Variants in CHST12 observed in about 807,000 individuals in gnomAD.
The protein encoded by CHST12 is carbohydrate sulfotransferase 12, also known as carbohydrate (chondroitin 4) sulfotransferase 12.
Under a neutral mutation model 27.9 loss-of-function variants are expected in CHST12, and 23 were observed. That is an observed-to-expected ratio of 0.82 (90% CI 0.59 to 1.17). The LOEUF (loss-of-function observed/expected upper bound fraction) is 1.17. CHST12 is among the 50% of genes most tolerant of loss of function. The pLI is 0.00. For missense variants in CHST12, 682 were observed against 603.0 expected, an observed-to-expected ratio of 1.13 and a Z score of -1.37; for synonymous variants, 322 against 273.0, an observed-to-expected ratio of 1.18 and a Z score of -1.77.
chr7:2,422,435 G>A (rs1458592597), intron 1 of CHST12, among the ~76,000 whole-genome samples: 1 of 151,746 alleles, frequency 6.6e-6, no homozygotes, highest in African/African-American at 2.4e-5. Context: ...GTAGAGACAG[G>A]GTTTCTCCGT....
intron 1 of CHST12, among the ~76,000 whole-genome samples, chr7:2,408,503 CAT>C (rs1397827115): frequency 6.6e-6 from 1 of 151,604 alleles, no homozygotes; most frequent in Non-Finnish European, 1.5e-5. Context: ...AAGGTTAGAA[CAT>C]GTGGAAAAAG....
At chr7:2,426,658 G>A (rs1322996802) in intron 1 of CHST12, among the ~76,000 whole-genome samples, 1 of 151,526 alleles carries the variant, frequency 6.6e-6, no homozygotes, top group African/African-American at 2.4e-5. Context: ...CACTCAGATT[G>A]TTGCTAATAT....
chr7:2,409,008 A>G (rs750258303), intron 1 of CHST12, among the ~76,000 whole-genome samples: 1 of 152,220 alleles, frequency 6.6e-6, no homozygotes, highest in Non-Finnish European at 1.5e-5. Flanking sequence ...GATTAGTGAT[A>G]AGTACTAAAC....
intron 1 of CHST12, among the ~76,000 whole-genome samples, chr7:2,428,872 G>C (rs765141661): frequency 6.6e-6 from 1 of 152,186 alleles, no homozygotes; most frequent in Non-Finnish European, 1.5e-5. Flanking sequence ...AGTTAGACCA[G>C]AAATTCTCAG....
intron 1 of CHST12, among the ~76,000 whole-genome samples, chr7:2,421,023 T>G (rs776398159): frequency 1.3e-5 from 2 of 151,774 alleles, no homozygotes; most frequent in African/African-American, 2.4e-5. Context: ...TCACTGCACC[T>G]GGCCCCTCAT....
intron 1 of CHST12, among the ~76,000 whole-genome samples, chr7:2,418,669 G>A (rs1015008551): frequency 1.7e-4 from 26 of 152,160 alleles, no homozygotes; most frequent in African/African-American, 5.6e-4. Flanking sequence ...CGGTTCTATC[G>A]GACCCTTCCC....
rs1374830169 is a variant in CHST12, at chr7:2,434,860, G to A, written c.*976G>A. ...CCTGGCACTTTGGGAGGCTGAGGGGGGAAGATCACTTGAGCCCAGGAGTTC... is the reference window on the plus strand; with the variant it reads ...CCTGGCACTTTGGGAGGCTGAGGGGAGAAGATCACTTGAGCCCAGGAGTTC... On this transcript the variant is annotated 3_prime_UTR_variant, in exon 2 of 2. Coordinates refer to ENST00000618655, the MANE Select transcript of CHST12 (RefSeq NM_018641.5). The A allele has an allele frequency of 6.6e-6, 1 of 152,150 alleles. No individual in the cohort carries two copies. The highest frequency in any genetic ancestry group is 2.4e-5 in the African/African-American group (1 of 41,364). The allele number at this position is 152,150 out of a possible 1,614,324, so 9.4% of individuals were successfully genotyped here. A position where few individuals can be genotyped will look rare whatever the true frequency, so the allele number is the denominator to read the frequency against.
At chr7:2,413,407 A>G (rs1463715388) in intron 1 of CHST12, among the ~76,000 whole-genome samples, 2 of 152,254 alleles carry the variant, frequency 1.3e-5, no homozygotes, top group South Asian at 2.1e-4. Context: ...TATGATTTAC[A>G]TGCAATAAAA....
intron 1 of CHST12, among the ~76,000 whole-genome samples, chr7:2,427,046 A>G (rs958819479): frequency 1.4e-5 from 2 of 146,572 alleles, no homozygotes; most frequent in African/African-American, 5.1e-5. Flanking sequence ...ACTCAGTTTA[A>G]GAAATTTGTA....
At chr7:2,419,079 T>A (rs1211709565) in intron 1 of CHST12, among the ~76,000 whole-genome samples, 1 of 151,916 alleles carries the variant, frequency 6.6e-6, no homozygotes, top group Non-Finnish European at 1.5e-5. Context: ...ATCACAGGCA[T>A]GAACCACCAT....
At position 2,444,096 on chromosome 7, in the gene CHST12, A is replaced by G. The variant is rs929671540; in HGVS notation, c.*10212A>G. 4 of 151,280 alleles carry G rather than the reference A, an allele frequency of 2.6e-5. No individual in the cohort carries two copies. The highest frequency in any genetic ancestry group is 5.9e-5 in the Non-Finnish European group (4 of 67,796). 9.4% of individuals were successfully genotyped at this position (151,280 alleles called of 1,614,324 possible). On this transcript the variant is annotated 3_prime_UTR_variant, in exon 2 of 2. Transcript: ENST00000618655. ...TCAGGAGATCGAGACCATCCCGGCT[A>G]AAACGGTGAAACCCCGTCTCTACTA...
At chr7:2,421,686 C>G (rs1781980408) in intron 1 of CHST12, among the ~76,000 whole-genome samples, 1 of 152,080 alleles carries the variant, frequency 6.6e-6, no homozygotes, top group African/African-American at 2.4e-5. Flanking sequence ...ATCTGCCCAC[C>G]TCAGCCTCCC....
At chr7:2,411,179 C>T (rs575830585) in intron 1 of CHST12, among the ~76,000 whole-genome samples, 14 of 152,126 alleles carry the variant, frequency 9.2e-5, no homozygotes, top group African/African-American at 3.4e-4. Flanking sequence ...GCCTCCTGGG[C>T]TTAAGAGATC....
At chr7:2,421,965 T>C (rs1297465779) in intron 1 of CHST12, among the ~76,000 whole-genome samples, 1 of 152,248 alleles carries the variant, frequency 6.6e-6, no homozygotes, top group Non-Finnish European at 1.5e-5. Flanking sequence ...ATAGGTTTTA[T>C]AAAATGATGT....
intron 1 of CHST12, among the ~76,000 whole-genome samples, chr7:2,405,977 TC>T (rs1781514416): frequency 1.3e-5 from 2 of 152,126 alleles, no homozygotes; most frequent in African/African-American, 4.8e-5. Flanking sequence ...GGCGTGCAGT[TC>T]CTTGACTACG....
At chr7:2,425,906 A>G (rs1332023966) in intron 1 of CHST12, among the ~76,000 whole-genome samples, 4 of 151,680 alleles carry the variant, frequency 2.6e-5, no homozygotes, top group Non-Finnish European at 1.5e-5. Context: ...GGGAGTCTGC[A>G]CTCTGGTGGT....
intron 1 of CHST12, among the ~76,000 whole-genome samples, chr7:2,405,254 G>A (rs1041425760): frequency 1.3e-5 from 2 of 152,090 alleles, no homozygotes; most frequent in Non-Finnish European, 2.9e-5. Flanking sequence ...AGACCAGCCT[G>A]GCCAACATGG....
At chr7:2,420,214 C>G (rs1206415288) in intron 1 of CHST12, among the ~76,000 whole-genome samples, 3 of 152,054 alleles carry the variant, frequency 2.0e-5, no homozygotes, top group African/African-American at 7.2e-5. Context: ...ACCTCGTGAT[C>G]TGCCCGCCTC....
intron 1 of CHST12, among the ~76,000 whole-genome samples, chr7:2,428,197 C>CTTT (rs113888480): frequency 1.5e-5 from 2 of 131,386 alleles, no homozygotes; most frequent in Admixed American, 7.7e-5. Flanking sequence ...TTCTCTCTCT[C>CTTT]TTTTTTTTTT....
Sources: gnomAD v4.1 joint callset for allele counts (sites outside exome capture counted in the v4.1 genomes callset) on GRCh38, gnomAD v4.1.1 for gene constraint, MANE v1.5 for transcripts, NCBI Gene and HGNC (gene_info 2026-07-23, HGNC 2026-07-21) for gene names.